Variants in XKR6 observed in about 807,000 individuals in gnomAD.
XKR6 encodes the protein XK related 6.
XKR6 carries 22 observed loss-of-function variants against 56.7 expected under a neutral mutation model. The observed-to-expected ratio is 0.39, with a 90% confidence interval of 0.28 to 0.55. The LOEUF (loss-of-function observed/expected upper bound fraction) is 0.55, where lower values mean the gene tolerates loss of function less well. Ranked by LOEUF, XKR6 falls within the 20% of genes least tolerant of loss-of-function variation. The probability of loss-of-function intolerance (pLI) is 0.66; values close to 1 mark genes in which losing one functional copy is unlikely to be tolerated. For missense variants in XKR6, 852 were observed against 889.0 expected (o/e 0.96, Z 0.53); for synonymous variants, 524 against 387.8 (o/e 1.35, Z -4.13).
intron 2 of XKR6, among the ~76,000 whole-genome samples, chr8:10,923,850 C>T (rs965070224): frequency 1.3e-5 from 2 of 152,210 alleles, no homozygotes; most frequent in Non-Finnish European, 2.9e-5. Flanking sequence ...ACCCAGATTA[C>T]ACACGCTCAC....
chr8:10,938,483 T>C (rs1010652451), intron 1 of XKR6, among the ~76,000 whole-genome samples: 1 of 152,152 alleles, frequency 6.6e-6, no homozygotes. Context: ...ATATAAACAA[T>C]TATGGTAATC....
At chr8:10,994,530 C>T (rs1332244146) in intron 1 of XKR6, among the ~76,000 whole-genome samples, 3 of 152,222 alleles carry the variant, frequency 2.0e-5, no homozygotes, top group Non-Finnish European at 4.4e-5. Context: ...CTGGTCCCCA[C>T]ATGGTCACAT....
intron 1 of XKR6, among the ~76,000 whole-genome samples, chr8:10,956,741 C>T (rs1446940908): frequency 6.6e-6 from 1 of 152,116 alleles, no homozygotes; most frequent in African/African-American, 2.4e-5. Flanking sequence ...GCACAGTGAC[C>T]GGCTGCCCCT....
intron 1 of XKR6, among the ~76,000 whole-genome samples, chr8:11,159,123 G>A (rs1372382034): frequency 1.3e-5 from 2 of 152,198 alleles, no homozygotes; most frequent in Admixed American, 6.5e-5. Context: ...ACTAGCTCAT[G>A]AATTTAGTTG....
At position 11,201,806 on chromosome 8, in the gene XKR6, C is replaced by G. The variant is rs1445275700; in HGVS notation, c.-467G>C. 6.6e-6 allele frequency among the ~76,000 whole-genome samples: 1 copy of G among 152,196 alleles called. No individual in the cohort carries two copies. The highest frequency in any genetic ancestry group is 1.5e-5 in the Non-Finnish European group (1 of 68,024). On this transcript the variant is annotated 5_prime_UTR_variant, in exon 1 of 3. Transcript: ENST00000416569. ...CCTTCCTCAGCGTCGCAGCTCACAGCTTTCCTCCTGGAGAAACGCCCCCTA... is the reference window on the plus strand; with the variant it reads ...CCTTCCTCAGCGTCGCAGCTCACAGGTTTCCTCCTGGAGAAACGCCCCCTA...
intron 1 of XKR6, among the ~76,000 whole-genome samples, chr8:11,139,580 T>A (rs557324842): frequency 4.6e-5 from 7 of 151,948 alleles, no homozygotes; most frequent in African/African-American, 1.7e-4. Flanking sequence ...AAACAGATGC[T>A]CCAGGGCTCC....
chr8:11,140,827 G>C (rs1308818413), intron 1 of XKR6, among the ~76,000 whole-genome samples: 2 of 150,198 alleles, frequency 1.3e-5, no homozygotes, highest in Non-Finnish European at 2.9e-5. Context: ...GAACCCAGGA[G>C]GAAGAGCTTG....
intron 1 of XKR6, among the ~76,000 whole-genome samples, chr8:11,030,646 C>T (rs555733030): frequency 4.0e-5 from 6 of 150,706 alleles, no homozygotes; most frequent in East Asian, 3.9e-4. Context: ...CTGGGGGTGG[C>T]GTGAGGGGAG....
intron 1 of XKR6, among the ~76,000 whole-genome samples, chr8:11,042,429 T>C (rs1799308660): frequency 6.6e-6 from 1 of 151,976 alleles, no homozygotes; most frequent in Non-Finnish European, 1.5e-5. Flanking sequence ...AGTGAGTGAG[T>C]TCTCATGAGA....
intron 1 of XKR6, among the ~76,000 whole-genome samples, chr8:10,997,604 G>C (rs555366779): frequency 9.8e-5 from 15 of 152,322 alleles, no homozygotes; most frequent in South Asian, 2.1e-4. Context: ...GGGAGAGAAT[G>C]TGCCAGGGCA....
intron 1 of XKR6, among the ~76,000 whole-genome samples, chr8:11,034,234 G>C (rs1799081997): frequency 1.3e-5 from 2 of 152,206 alleles, no homozygotes; most frequent in Non-Finnish European, 2.9e-5. Context: ...GCACAGTGTG[G>C]GAAATGAGAG....
chr8:10,954,039 AC>A (rs1456077194), intron 1 of XKR6, among the ~76,000 whole-genome samples: 1 of 152,236 alleles, frequency 6.6e-6, no homozygotes, highest in Non-Finnish European at 1.5e-5. Context: ...TGTATATACC[AC>A]ATTTTGTTTA....
intron 1 of XKR6, among the ~76,000 whole-genome samples, chr8:11,000,661 G>A (rs992450093): frequency 6.6e-6 from 1 of 152,044 alleles, no homozygotes; most frequent in South Asian, 2.1e-4. Context: ...CTCCAGTCTG[G>A]GCAAGAGAGC....
intron 1 of XKR6, among the ~76,000 whole-genome samples, chr8:11,112,705 G>A (rs932189573): frequency 1.3e-5 from 2 of 152,288 alleles, no homozygotes; most frequent in South Asian, 2.1e-4. Context: ...GGCGAAGCTG[G>A]CCTGGGGAAG....
At chr8:11,148,909 G>T (rs556853151) in intron 1 of XKR6, among the ~76,000 whole-genome samples, 1 of 152,174 alleles carries the variant, frequency 6.6e-6, no homozygotes. Context: ...CTGAGTAAGC[G>T]AAACAGAAAA....
intron 1 of XKR6, among the ~76,000 whole-genome samples, chr8:11,044,105 T>C (rs1462768562): frequency 1.3e-5 from 2 of 152,242 alleles, no homozygotes; most frequent in Non-Finnish European, 2.9e-5. Flanking sequence ...GACAAGAGAC[T>C]GATTTCAGTA....
At chr8:11,192,005 A>G (rs1323153769) in intron 1 of XKR6, among the ~76,000 whole-genome samples, 1 of 152,194 alleles carries the variant, frequency 6.6e-6, no homozygotes, top group Non-Finnish European at 1.5e-5. Context: ...TGTGTTAAAT[A>G]CACACACATA....
chr8:11,164,078 A>T (rs1801954149), intron 1 of XKR6, among the ~76,000 whole-genome samples: 1 of 152,222 alleles, frequency 6.6e-6, no homozygotes, highest in African/African-American at 2.4e-5. Context: ...TACAGTGGGG[A>T]AGATAAACAG....
At chr8:11,045,260 T>C (rs1419354312) in intron 1 of XKR6, among the ~76,000 whole-genome samples, 1 of 151,650 alleles carries the variant, frequency 6.6e-6, no homozygotes, top group Non-Finnish European at 1.5e-5. Flanking sequence ...CTAATTTTTG[T>C]ATTTTTTGGT....
Sources: gnomAD v4.1 joint callset for allele counts (sites outside exome capture counted in the v4.1 genomes callset) on GRCh38, gnomAD v4.1.1 for gene constraint, MANE v1.5 for transcripts, NCBI Gene and HGNC (gene_info 2026-07-23, HGNC 2026-07-21) for gene names.